UEVLD: variants seen among roughly 807,000 people sequenced by gnomAD.
The protein encoded by UEVLD is UEV and lactate/malate dehyrogenase domains.
Under a neutral mutation model 58.6 loss-of-function variants are expected in UEVLD, and 47 were observed. The ratio of observed to expected loss-of-function variants is 0.80; its 90% CI spans 0.63 to 1.02. The LOEUF is 1.02. Ranked by LOEUF, UEVLD falls within the 50% of genes least tolerant of loss-of-function variation. The probability of loss-of-function intolerance (pLI) is 0.00; values close to 1 mark genes in which losing one functional copy is unlikely to be tolerated. For missense variants in UEVLD, 510 were observed against 550.6 expected, an observed-to-expected ratio of 0.93 and a Z score of 0.74; for synonymous variants, 197 against 195.3, an observed-to-expected ratio of 1.01 and a Z score of -0.07.
At chr11:18,575,514 A>G in intron 2 of UEVLD, 102 bp from the exon 3 acceptor site, 1 of 980,940 alleles carries the variant, frequency 1.0e-6, no homozygotes, top group Middle Eastern at 2.9e-4. Flanking sequence ...GAATATACAC[A>G]CACAAATACA....
intron 4 of UEVLD, among the ~76,000 whole-genome samples, chr11:18,567,697 T>C (rs1852367373): frequency 1.3e-5 from 2 of 152,194 alleles, no homozygotes; most frequent in Admixed American, 1.3e-4. Flanking sequence ...CTCAGAGAAA[T>C]TGCAAACCCT....
intron 11 of UEVLD, among the ~76,000 whole-genome samples, chr11:18,533,327 G>A (rs764364784): frequency 6.7e-6 from 1 of 149,168 alleles, no homozygotes; most frequent in African/African-American, 2.5e-5. Flanking sequence ...TCCCCCAACC[G>A]CAGCCTGTGG....
intron 6 of UEVLD, among the ~76,000 whole-genome samples, chr11:18,559,548 C>T (rs1184226536): frequency 2.0e-5 from 3 of 152,078 alleles, no homozygotes; most frequent in East Asian, 1.9e-4. Context: ...ACTTGGTGCA[C>T]TCAATACTTC....
chr11:18,564,003 TAAAAAAAA>T, intron 6 of UEVLD: 26 of 153,308 alleles, frequency 1.7e-4, no homozygotes, highest in South Asian at 6.3e-4. Flanking sequence ...AGACTCCACC[TAAAAAAAA>T]AAAAAAAAAA....
intron 4 of UEVLD, 24 bp downstream of exon 4, chr11:18,570,190 G>A (rs1026509711): frequency 6.5e-7 from 1 of 1,539,472 alleles, no homozygotes; most frequent in Non-Finnish European, 8.7e-7. Context: ...AAAGCTTTCT[G>A]TAGAAAATCC....
chr11:18,536,895 CT>C (rs370747121), intron 9 of UEVLD: 1,668 of 139,850 alleles, frequency 0.012, no homozygotes, highest in Middle Eastern at 0.028. Flanking sequence ...AATCCTGTTC[CT>C]TTTTTTTTTT....
At chr11:18,584,416 GAAT>G (rs1015260167) in intron 1 of UEVLD, among the ~76,000 whole-genome samples, 7 of 151,996 alleles carry the variant, frequency 4.6e-5, no homozygotes, top group Admixed American at 1.3e-4. Flanking sequence ...GCTTTTTGCA[GAAT>G]AATAAGTACT....
At position 18,544,722 on chromosome 11, in the gene UEVLD, G is replaced by A; in HGVS notation, c.961C>T (p.Leu321=). 1 of 1,580,506 alleles carries A rather than the reference G, an allele frequency of 6.3e-7. No homozygotes were observed. The highest frequency in any genetic ancestry group is 2.4e-5 in the East Asian group (1 of 41,286). ...ANRVIGIGCN[L]DSQRLQYIIT... ...ATATACTGTAATCTCTGTGAATCCAGATTACATCCAATTCCGATCACTCGA... is the reference window on the plus strand; with the variant it reads ...ATATACTGTAATCTCTGTGAATCCAAATTACATCCAATTCCGATCACTCGA... The change falls in exon 9 of 12, where the codon CTG becomes TTG. Residue 321 remains leucine (L), a synonymous_variant. Transcript: ENST00000396197.
At chr11:18,560,138 C>CACACAGAG (rs368897951) in intron 6 of UEVLD, among the ~76,000 whole-genome samples, 7 of 74,828 alleles carry the variant, frequency 9.4e-5, no homozygotes, top group Non-Finnish European at 1.5e-4. Context: ...CACACACACA[C>CACACAGAG]AGAGAGAGAA....
intron 7 of UEVLD, among the ~76,000 whole-genome samples, chr11:18,555,456 C>T (rs892647624): frequency 2.0e-5 from 3 of 151,190 alleles, no homozygotes; most frequent in Admixed American, 6.6e-5. Context: ...GATGTGGTGA[C>T]GCATGCCTGT....
chr11:18,568,683 GT>G (rs1190680152), intron 4 of UEVLD, among the ~76,000 whole-genome samples: 1 of 151,862 alleles, frequency 6.6e-6, no homozygotes, highest in Non-Finnish European at 1.5e-5. Context: ...TATGTCCTTT[GT>G]TTTTTCTATT....
intron 4 of UEVLD, among the ~76,000 whole-genome samples, chr11:18,567,359 G>C (rs1353113862): frequency 1.3e-5 from 2 of 152,178 alleles, no homozygotes; most frequent in African/African-American, 4.8e-5. Flanking sequence ...GTGTAAAACA[G>C]ATGTTTATTA....
In UEVLD at chr11:18,575,362, G is replaced by C. The variant is rs866229452; in HGVS notation, c.178C>G (p.Pro60Ala). 1 of 1,606,528 alleles carries C rather than the reference G, an allele frequency of 6.2e-7. No homozygotes were observed. Among genetic ancestry groups the C allele is most frequent in the African/African-American group, 1.3e-5 (1 of 74,094 alleles). ...KDLLNFTGTIPVMYQGNTYNI... is the reference protein window; with the variant it reads ...KDLLNFTGTIAVMYQGNTYNI... ...CCACACTTACCCTGATACATCACAGGAATTGTGCCAGTAAAATTCAGCAGG... is the reference window on the plus strand; with the variant it reads ...CCACACTTACCCTGATACATCACAGCAATTGTGCCAGTAAAATTCAGCAGG... Residue 60 changes from proline to alanine, a missense_variant, in exon 3 of 12, where the codon CCT becomes GCT. Physicochemically the swap from Pro to Ala is conservative, Grantham distance 27. Coordinates refer to ENST00000396197, the MANE Select transcript of UEVLD (RefSeq NM_001040697.4).
chr11:18,581,274 A>G, intron 1 of UEVLD, among the ~76,000 whole-genome samples: 1 of 152,212 alleles, frequency 6.6e-6, no homozygotes, highest in Non-Finnish European at 1.5e-5. Context: ...AAATATGTAT[A>G]CAATAGTAAG....
intron 8 of UEVLD, among the ~76,000 whole-genome samples, chr11:18,545,142 G>A (rs1251014405): frequency 4.8e-5 from 7 of 146,714 alleles, no homozygotes; most frequent in South Asian, 2.1e-4. Context: ...GCACGATCTC[G>A]GCTCACTGCA....
rs1460301790 is a variant in UEVLD at position 18,532,342 on chromosome 11, A to T, written c.1394T>A (p.Leu465His). ...GAATCAAAGTTTTAACTGTTGTTGGAGACTGTGGATTGAGGATGCACTGCT... is the reference window on the plus strand; with the variant it reads ...GAATCAAAGTTTTAACTGTTGTTGGTGACTGTGGATTGAGGATGCACTGCT... Reference protein sequence around the residue: ...LQSSASSIHSLQQQLKL With the variant: ...LQSSASSIHSHQQQLKL The change falls in exon 12 of 12, where the codon CTC (leucine) becomes CAC (histidine). Residue 465 changes from leucine (L) to histidine (H), a missense_variant. Transcript: ENST00000396197. 1 of 1,609,102 alleles carries T rather than the reference A, an allele frequency of 6.2e-7. No homozygotes were observed. Among genetic ancestry groups the T allele is most frequent in the South Asian group, 1.1e-5 (1 of 89,814 alleles).
intron 9 of UEVLD, chr11:18,539,074 GTTTTTT>G (rs59340537): frequency 4.2e-5 from 3 of 71,342 alleles, no homozygotes; most frequent in African/African-American, 1.1e-4. Flanking sequence ...AGTTTTATAA[GTTTTTT>G]TTTTTTTTTT....
intron 6 of UEVLD, among the ~76,000 whole-genome samples, chr11:18,559,752 C>G (rs966406111): frequency 2.6e-5 from 4 of 152,110 alleles, no homozygotes; most frequent in African/African-American, 9.7e-5. Flanking sequence ...CCCCAGAGAT[C>G]TCATGGAAAA....
intron 8 of UEVLD, among the ~76,000 whole-genome samples, chr11:18,545,433 G>A (rs1186145289): frequency 6.7e-6 from 1 of 150,106 alleles, no homozygotes; most frequent in Non-Finnish European, 1.5e-5. Flanking sequence ...ACATTTTACT[G>A]TGTTTTGTTT....
Sources: allele counts gnomAD v4.1 joint callset (sites outside exome capture counted in the v4.1 genomes callset), GRCh38; gene constraint gnomAD v4.1.1; transcripts MANE v1.5; gene names NCBI Gene and HGNC (gene_info 2026-07-23, HGNC 2026-07-21).